The following GREB1 variants were observed in gnomAD, a reference collection of about 807,000 sequenced individuals.
GREB1 encodes the protein growth regulating estrogen receptor binding 1.
A neutral mutation model predicts 200.7 loss-of-function variants in GREB1; 106 were observed. The observed-to-expected ratio is 0.53, with a 90% CI of 0.45 to 0.62. The LOEUF is 0.62. Ranked by LOEUF, GREB1 falls within the 20% of genes least tolerant of loss-of-function variation. The pLI is 0.00. For missense variants in GREB1, 2,243 were observed against 2,556.8 expected (o/e 0.88, Z 2.65); for synonymous variants, 1,132 against 1,092.4 (o/e 1.04, Z -0.72).
intron 1 of GREB1, among the ~76,000 whole-genome samples, chr2:11,483,393 C>G (rs1283821219): frequency 1.3e-5 from 2 of 151,576 alleles, no homozygotes; most frequent in Non-Finnish European, 2.9e-5. Context: ...GGTGAGCCCT[C>G]GGTAGGTGGG....
At position 11,591,700 on chromosome 2, in the gene GREB1, G is replaced by A. The variant is rs1048629712; in HGVS notation, c.1346-1076G>A. The A allele has an allele frequency of 1.9e-5, 9 of 468,640 alleles. No homozygotes were observed. In the Admixed American group the frequency reaches 2.7e-4, roughly 14 times the overall value. The allele number at this position is 468,640 out of a possible 1,614,324, so 29.0% of individuals were successfully genotyped here. A position where few individuals can be genotyped will look rare whatever the true frequency, so the allele number is the denominator to read the frequency against. On this transcript the variant is annotated intron_variant, in intron 10 of 32. Transcript: ENST00000381486. ...TAAATCCACCTTTGAGAATTTAGGC[G>A]AAGGAAGTAACGTTCTATATGTCAA...
chr2:11,493,390 T>G lies in GREB1; in HGVS notation c.-159+11009T>G, dbSNP rs1278513482. ...AGGAGCGTGCAACCTGGATCCCTTG[T>G]AGGCGCAGTTCACAATAGGGTTTGA... On this transcript the variant is annotated intron_variant, in intron 1 of 2. Coordinates refer to the GREB1 transcript ENST00000628795. This position sits in a 1 kb window ranked among gnomAD's most constrained non-coding sequence, Gnocchi z 4.6. 6.6e-6 allele frequency among the ~76,000 whole-genome samples: 1 copy of G among 152,174 alleles called. No individual in the cohort carries two copies. Among genetic ancestry groups the G allele is most frequent in the Non-Finnish European group, 1.5e-5 (1 of 68,034 alleles).
intron 4 of GREB1, 31 bp from the exon 5 acceptor site, chr2:11,576,321 GA>G: frequency 1.4e-6 from 2 of 1,478,146 alleles, no homozygotes; most frequent in South Asian, 2.6e-5. Context: ...AAAAAAAAAA[GA>G]AAGATGTTTA....
At chr2:11,568,077 C>T (rs887452264) in intron 4 of GREB1, among the ~76,000 whole-genome samples, 2 of 152,206 alleles carry the variant, frequency 1.3e-5, no homozygotes, top group African/African-American at 4.8e-5. Flanking sequence ...GAACGGTCTT[C>T]ATGCAGAAGC....
intron 1 of GREB1, among the ~76,000 whole-genome samples, chr2:11,514,967 C>T (rs1420345253): frequency 2.7e-5 from 4 of 150,622 alleles, no homozygotes; most frequent in East Asian, 1.9e-4. Context: ...ACTATCCATC[C>T]ATCCATCCAT....
At chr2:11,628,875 G>T (rs544582881) in intron 25 of GREB1, among the ~76,000 whole-genome samples, 11 of 152,294 alleles carry the variant, frequency 7.2e-5, no homozygotes, top group Admixed American at 7.2e-4. Context: ...CAGTGGAAGA[G>T]GAGCATGCCT....
At chr2:11,483,237 T>C (rs1484590202) in intron 1 of GREB1, among the ~76,000 whole-genome samples, 1 of 146,066 alleles carries the variant, frequency 6.8e-6, no homozygotes, top group Non-Finnish European at 1.5e-5. Flanking sequence ...TGCGTGCGTG[T>C]GCGTGTATGG....
At chr2:11,529,150 C>A (rs1004803337), upstream of GREB1, among the ~76,000 whole-genome samples, 1 of 151,954 alleles carries the variant, frequency 6.6e-6, no homozygotes, top group Non-Finnish European at 1.5e-5. Flanking sequence ...GAAGAGTACC[C>A]CTCAACCCCA....
chr2:11,618,261 T>TCACTCCTGGGACGAGTCGC (rs1403161616), intron 21 of GREB1, 27 bp from the exon 22 acceptor site: 1 of 1,167,186 alleles, frequency 8.6e-7, no homozygotes. Flanking sequence ...TTCTAGGACG[T>TCACTCCTGGGACGAGTCGC]CCCTGACCAT....
chr2:11,546,050 G>A (rs540468913), intron 1 of GREB1, among the ~76,000 whole-genome samples: 102 of 152,162 alleles, frequency 6.7e-4, no homozygotes, highest in South Asian at 2.5e-3. Context: ...AGTGGTGCAC[G>A]TCTGTAGTCC....
chr2:11,483,528 C>G (rs1672568629), intron 1 of GREB1, among the ~76,000 whole-genome samples: 1 of 151,636 alleles, frequency 6.6e-6, no homozygotes, highest in African/African-American at 2.4e-5. Context: ...ACTTGGGACC[C>G]GGGAGAAAAT....
Position 11,642,433 on chromosome 2 carries a change from A to G in GREB1, c.*1979A>G, listed in dbSNP as rs1304679452. ...ATGAGCCACTGCGCCTGGCCTCAGAATGCATTCTTACACATCTATCCTAGA... is the reference window on the plus strand; with the variant it reads ...ATGAGCCACTGCGCCTGGCCTCAGAGTGCATTCTTACACATCTATCCTAGA... On this transcript the variant is annotated 3_prime_UTR_variant, in exon 33 of 33. Transcript: ENST00000381486. 4 of 152,150 alleles carry G rather than the reference A, an allele frequency of 2.6e-5. No homozygotes were observed. Among genetic ancestry groups the G allele is most frequent in the African/African-American group, 9.7e-5 (4 of 41,426 alleles). 9.4% of individuals were successfully genotyped at this position (152,150 alleles called of 1,614,324 possible).
rs76625124 is a variant in GREB1, at chr2:11,524,787, C to G, written c.-158-31670C>G. Among the ~76,000 whole-genome samples, 178 of 152,308 alleles carry G rather than the reference C, an allele frequency of 1.2e-3. 5 individuals are homozygous for G. The East Asian group carries it at 0.029, about 25-fold the overall frequency. On this transcript the variant is annotated intron_variant, in intron 1 of 2. Coordinates refer to the GREB1 transcript ENST00000628795. The stretch of plus-strand genomic sequence containing the variant: ...CCCCCACTTCCTGGCTAGCAGAACT[C>G]TGATTTTGTTAGGGATAGCAGAGTA...
chr2:11,563,648 C>T (rs1047717903), intron 3 of GREB1, among the ~76,000 whole-genome samples: 1 of 152,242 alleles, frequency 6.6e-6, no homozygotes, highest in African/African-American at 2.4e-5. Flanking sequence ...CACTGCATCT[C>T]TCTGAGCCTC....
intron 1 of GREB1, among the ~76,000 whole-genome samples, chr2:11,497,180 C>T (rs1390082864): frequency 1.3e-5 from 2 of 152,180 alleles, no homozygotes; most frequent in Admixed American, 1.3e-4. Flanking sequence ...ATAATTTTGT[C>T]AATTCAAAAA....
At chr2:11,625,934 T>C (rs1259626787) in intron 24 of GREB1, among the ~76,000 whole-genome samples, 1 of 152,120 alleles carries the variant, frequency 6.6e-6, no homozygotes, top group Non-Finnish European at 1.5e-5. Flanking sequence ...GCACGTCTTA[T>C]ATAGCAGCAG....
At position 11,640,320 on chromosome 2, in the gene GREB1, C is replaced by G; in HGVS notation, c.5716C>G (p.Arg1906Gly). 6.2e-7 allele frequency: 1 copy of G among 1,613,892 alleles called. No homozygotes were observed. The highest frequency in any genetic ancestry group is 8.5e-7 in the Non-Finnish European group (1 of 1,179,960). The change falls in exon 33 of 33, where the codon CGG becomes GGG. Residue 1906 changes from arginine to glycine, a missense_variant. Coordinates refer to ENST00000381486, the MANE Select transcript of GREB1 (RefSeq NM_014668.4). The surrounding 1 kb of genome is among the most constrained non-coding windows in gnomAD (Gnocchi z 4.6). ...GATLCVICQD[R>G]SSLRQTVVRL... is the part of the protein sequence containing the mutation. ...GACGTTGTGTGTCATCTGTCAGGAC[C>G]GGAGCTCACTGCGCCAGACGGTCGT...
chr2:11,578,333 C>G lies in GREB1; in HGVS notation c.674C>G (p.Ser225Cys), dbSNP rs146767513. 1.2e-6 allele frequency: 2 copies of G among 1,614,030 alleles called. No homozygotes were observed. Among genetic ancestry groups the G allele is most frequent in the African/African-American group, 2.7e-5 (2 of 74,928 alleles). Residue 225 changes from serine to cysteine, a missense_variant, in exon 6 of 33, where the codon TCC becomes TGC. This residue lies in a region of GREB1 where 1,178 missense variants were observed against 1,387.4 expected (regional missense o/e 0.85). Transcript: ENST00000381486. ...CGGCAGATCCCCGCCAGTACTTGTT[C>G]CAGTTCCCTCTTCCCAGCCCTGGAG... ...RSRQIPASTC[S>C]SSLFPALEST...
At chr2:11,598,468 A>G (rs1681465426) in intron 14 of GREB1, among the ~76,000 whole-genome samples, 1 of 152,230 alleles carries the variant, frequency 6.6e-6, no homozygotes, top group Admixed American at 6.5e-5. Flanking sequence ...TGCTGTACAC[A>G]CAGCCAAGGC....
Sources: allele counts gnomAD v4.1 joint callset (sites outside exome capture counted in the v4.1 genomes callset), GRCh38; gene constraint gnomAD v4.1.1; regional missense constraint gnomAD v4.1.1; non-coding constraint Gnocchi (gnomAD v3.1); transcripts MANE v1.5; gene names NCBI Gene and HGNC (gene_info 2026-07-23, HGNC 2026-07-21).